NLGN4Y: variants seen among roughly 807,000 people sequenced by gnomAD.
The protein encoded by NLGN4Y is neuroligin-4, Y-linked.
NLGN4Y carries 4 observed loss-of-function variants against 8.4 expected under a neutral mutation model. The ratio of observed to expected loss-of-function variants is 0.48; its 90% CI spans 0.23 to 1.09. The LOEUF is 1.09. NLGN4Y is among the 50% of genes least tolerant of loss of function. The pLI is 0.19. For synonymous variants in NLGN4Y, 35 were observed against 75.6 expected, an observed-to-expected ratio of 0.46 and a Z score of 2.78; for missense variants, 90 against 192.3, an observed-to-expected ratio of 0.47 and a Z score of 3.15.
rs373493677 is a variant in NLGN4Y at position 14,626,714 on chromosome Y, G to T, written c.472+4123G>T. Among the ~76,000 whole-genome samples, 50 of 33,492 alleles carry T rather than the reference G, an allele frequency of 1.5e-3. No homozygotes were observed. The East Asian group carries it at 0.023, about 16-fold the overall frequency. 89.9% of individuals were successfully genotyped at this position (33,492 alleles called of 37,273 possible). On this transcript the variant is annotated intron_variant, in intron 2 of 6. Transcript: ENST00000684976. ...TCTGCTGATTGGTCCATTTTACAGA[G>T]AGCTGATTGGTCCATTTTGACAGAG...
At chrY:14,796,142 TA>T (rs2043007095) in intron 4 of NLGN4Y, among the ~76,000 whole-genome samples, 4 of 33,584 alleles carry the variant, frequency 1.2e-4, no homozygotes, top group Admixed American at 1.1e-3. Context: ...ACAACATCGT[TA>T]GATTATTACA....
chrY:14,565,852 T>TG (rs1352638058), intron 1 of NLGN4Y, among the ~76,000 whole-genome samples: 741 of 32,201 alleles, frequency 0.023, no homozygotes, highest in Middle Eastern at 0.16. Flanking sequence ...CAGAAGAGAG[T>TG]GGGGGGGTAA....
intron 1 of NLGN4Y, among the ~76,000 whole-genome samples, chrY:14,586,491 G>A: frequency 3.0e-5 from 1 of 33,233 alleles, no homozygotes; most frequent in African/African-American, 1.2e-4. Context: ...ATATTGTACA[G>A]TTCATTAGGG....
chrY:14,732,233 A>G (rs369361274), intron 4 of NLGN4Y, among the ~76,000 whole-genome samples: 1 of 33,042 alleles, frequency 3.0e-5, no homozygotes, highest in East Asian at 8.1e-4. Context: ...CTGAGTCCCA[A>G]CAACTGGGTA....
intron 1 of NLGN4Y, among the ~76,000 whole-genome samples, chrY:14,592,881 G>C: frequency 6.0e-5 from 2 of 33,113 alleles, no homozygotes; most frequent in Non-Finnish European, 1.5e-4. Flanking sequence ...GCCCTATTTT[G>C]TGGGGAGAAT....
chrY:14,692,708 T>C (rs2080814876), intron 2 of NLGN4Y, among the ~76,000 whole-genome samples: 1 of 34,043 alleles, frequency 2.9e-5, no homozygotes, highest in Non-Finnish European at 7.3e-5. Context: ...TGGTATCAAA[T>C]TGGCACCATT....
intron 2 of NLGN4Y, among the ~76,000 whole-genome samples, chrY:14,697,021 A>G (rs760470779): frequency 9.3e-5 from 3 of 32,423 alleles, no homozygotes; most frequent in Non-Finnish European, 2.3e-4. Flanking sequence ...ACACTGCCCA[A>G]TTCTCTGGTA....
intron 6 of NLGN4Y, among the ~76,000 whole-genome samples, chrY:14,832,232 T>G: frequency 1.5e-4 from 5 of 34,178 alleles, no homozygotes; most frequent in African/African-American, 3.4e-4. Flanking sequence ...TGTTTGTTTG[T>G]TTGGTTGGTT....
At chrY:14,607,346 TTTGGTAC>T (rs2080450431) in intron 1 of NLGN4Y, among the ~76,000 whole-genome samples, 2 of 32,520 alleles carry the variant, frequency 6.2e-5, no homozygotes, top group African/African-American at 2.4e-4. Flanking sequence ...CCTTTAAGCA[TTTGGTAC>T]TTGTCCCAGT....
intron 2 of NLGN4Y, among the ~76,000 whole-genome samples, chrY:14,692,796 T>C (rs2080815261): frequency 3.0e-5 from 1 of 33,776 alleles, no homozygotes; most frequent in Non-Finnish European, 7.4e-5. Flanking sequence ...TCATTAAATC[T>C]GCATCATTAA....
At chrY:14,619,898 T>G in intron 1 of NLGN4Y, among the ~76,000 whole-genome samples, 2 of 33,791 alleles carry the variant, frequency 5.9e-5, no homozygotes, top group Non-Finnish European at 1.5e-4. Context: ...TCGAGGCTAT[T>G]ATCCTTAGCA....
chrY:14,708,114 G>A (rs2150548785), intron 2 of NLGN4Y, among the ~76,000 whole-genome samples: 1 of 32,970 alleles, frequency 3.0e-5, no homozygotes, highest in South Asian at 6.8e-4. Context: ...AATAGCAAAT[G>A]GCAGAATTAT....
intron 1 of NLGN4Y, among the ~76,000 whole-genome samples, chrY:14,578,972 T>G: frequency 2.9e-5 from 1 of 34,178 alleles, no homozygotes; most frequent in Non-Finnish European, 7.3e-5. Flanking sequence ...GATGTATCAT[T>G]TCAAAAAATT....
At chrY:14,691,746 A>G (rs949062300) in intron 2 of NLGN4Y, among the ~76,000 whole-genome samples, 6 of 33,079 alleles carry the variant, frequency 1.8e-4, no homozygotes, top group Admixed American at 5.6e-4. Flanking sequence ...TTGTTGAAAT[A>G]CGCCCTTCTT....
At chrY:14,785,052 T>C in intron 4 of NLGN4Y, among the ~76,000 whole-genome samples, 1 of 32,976 alleles carries the variant, frequency 3.0e-5, no homozygotes, top group Non-Finnish European at 7.4e-5. Context: ...TTAGTACCTG[T>C]GCCATGAAAT....
chrY:14,760,434 A>G (rs2081076218), intron 4 of NLGN4Y, among the ~76,000 whole-genome samples: 1 of 33,166 alleles, frequency 3.0e-5, no homozygotes, highest in African/African-American at 1.2e-4. Flanking sequence ...TTCACACACA[A>G]TCATAAATCC....
chrY:14,704,688 G>A, intron 2 of NLGN4Y, among the ~76,000 whole-genome samples: 1 of 33,107 alleles, frequency 3.0e-5, no homozygotes, highest in African/African-American at 1.2e-4. Context: ...AACGAGTTAG[G>A]GAGGATTCCC....
intron 1 of NLGN4Y, among the ~76,000 whole-genome samples, chrY:14,533,773 A>G: frequency 3.1e-5 from 1 of 32,641 alleles, no homozygotes; most frequent in East Asian, 8.0e-4. Flanking sequence ...ACCAGGCCCC[A>G]GTGTGTGAAA....
At chrY:14,821,224 C>T (rs1009588667) in intron 4 of NLGN4Y, among the ~76,000 whole-genome samples, 2 of 33,510 alleles carry the variant, frequency 6.0e-5, no homozygotes, top group Admixed American at 5.4e-4. Context: ...ATGAATGAAG[C>T]TGCTGACCTT....
Sources: gnomAD v4.1 joint callset for allele counts (sites outside exome capture counted in the v4.1 genomes callset) on GRCh38, gnomAD v4.1.1 for gene constraint, MANE v1.5 for transcripts, NCBI Gene and HGNC (gene_info 2026-07-23, HGNC 2026-07-21) for gene names.